The following TMEM74 variants were observed in gnomAD, a reference collection of about 807,000 sequenced individuals.
TMEM74 encodes transmembrane protein 74.
In TMEM74, 13 loss-of-function variants were observed where a neutral mutation model predicts 18.1. The observed-to-expected ratio is 0.72, with a 90% CI of 0.47 to 1.14. TMEM74 has a LOEUF of 1.14. TMEM74 is among the 50% of genes most tolerant of loss of function. The pLI, the probability that TMEM74 is intolerant of heterozygous loss-of-function variation, is 0.00. For synonymous variants in TMEM74, 159 were observed against 146.6 expected (o/e 1.08, Z -0.61); for missense variants, 372 against 375.9 (o/e 0.99, Z 0.09).
intron 1 of TMEM74, among the ~76,000 whole-genome samples, chr8:108,734,273 G>A (rs370891979): frequency 1.1e-3 from 171 of 152,288 alleles, no homozygotes; most frequent in African/African-American, 4.0e-3. Context: ...AGTGGTCCCC[G>A]TGGGTTCTCA....
chr8:108,670,067 T>C (rs1247474331), intron 1 of TMEM74, among the ~76,000 whole-genome samples: 1 of 147,584 alleles, frequency 6.8e-6, no homozygotes, highest in Non-Finnish European at 1.5e-5. Flanking sequence ...AGGCAATGAA[T>C]GGCTTAATTC....
intron 1 of TMEM74, among the ~76,000 whole-genome samples, chr8:108,752,824 A>G (rs1266029687): frequency 1.3e-5 from 2 of 152,094 alleles, no homozygotes; most frequent in African/African-American, 4.8e-5. Flanking sequence ...AAATTTGCTT[A>G]ATTTCTTATC....
At chr8:108,749,754 C>G (rs1813886410) in intron 1 of TMEM74, among the ~76,000 whole-genome samples, 1 of 152,124 alleles carries the variant, frequency 6.6e-6, no homozygotes, top group African/African-American at 2.4e-5. Context: ...GAGAAGCACA[C>G]TTCTCAATGT....
At chr8:108,715,978 G>C (rs561889450) in intron 1 of TMEM74, among the ~76,000 whole-genome samples, 32 of 151,876 alleles carry the variant, frequency 2.1e-4, no homozygotes, top group Non-Finnish European at 4.0e-4. Context: ...TCATAAGAAA[G>C]ATAATAAATC....
intron 1 of TMEM74, among the ~76,000 whole-genome samples, chr8:108,699,943 C>T (rs1031086015): frequency 3.9e-5 from 6 of 152,168 alleles, no homozygotes; most frequent in Non-Finnish European, 8.8e-5. Flanking sequence ...ATAAGCATAA[C>T]ATAGAGACTT....
chr8:108,720,750 AT>A (rs869060246), intron 1 of TMEM74, among the ~76,000 whole-genome samples: 15 of 149,354 alleles, frequency 1.0e-4, no homozygotes, highest in African/African-American at 3.2e-4. Context: ...TTATTTATTT[AT>A]TTATTAGTTT....
chr8:108,740,176 G>T (rs1813786503), intron 1 of TMEM74, among the ~76,000 whole-genome samples: 1 of 152,162 alleles, frequency 6.6e-6, no homozygotes, highest in African/African-American at 2.4e-5. Context: ...CATTATGTCA[G>T]ACATGCAAGC....
intron 1 of TMEM74, among the ~76,000 whole-genome samples, chr8:108,725,154 T>C (rs1009378096): frequency 1.3e-5 from 2 of 152,182 alleles, no homozygotes; most frequent in Non-Finnish European, 2.9e-5. Flanking sequence ...ACCTTGCCAT[T>C]TGGATCGCTC....
intron 1 of TMEM74, among the ~76,000 whole-genome samples, chr8:108,750,710 C>T (rs967007861): frequency 3.3e-5 from 5 of 152,076 alleles, no homozygotes; most frequent in South Asian, 2.1e-4. Flanking sequence ...AATGGGCATG[C>T]GTACAACTGC....
intron 2 of TMEM74, chr8:108,652,638 C>A (rs1487825069): frequency 1.6e-5 from 10 of 625,526 alleles, no homozygotes; most frequent in Non-Finnish European, 3.0e-5. Flanking sequence ...CAAAAGAAAG[C>A]AAGAAAAAGA....
rs570159194 is a variant in TMEM74, at chr8:108,761,141, T to C, written n.119+26335A>G. On this transcript the variant is annotated intron_variant and non_coding_transcript_variant, in intron 1 of 3. Coordinates refer to the TMEM74 transcript ENST00000518838. ...ATCAATCCACTAAACATCACCAGTA[T>C]AACTGAAACTAAATATTAGACTCTG... 1.6e-4 allele frequency among the ~76,000 whole-genome samples: 25 copies of C among 152,228 alleles called. No homozygotes were observed. In the East Asian group the frequency reaches 1.9e-3, roughly 12 times the overall value.
At chr8:108,685,012 ATTACT>A (rs1041887962) in intron 1 of TMEM74, among the ~76,000 whole-genome samples, 25 of 152,222 alleles carry the variant, frequency 1.6e-4, no homozygotes, top group South Asian at 4.1e-4. Context: ...GAATCTGCAG[ATTACT>A]TTAGGTAGTA....
chr8:108,660,740 C>A (rs768516643), intron 1 of TMEM74, among the ~76,000 whole-genome samples: 2 of 152,104 alleles, frequency 1.3e-5, no homozygotes, highest in Non-Finnish European at 2.9e-5. Context: ...TGTTATACTT[C>A]ATTGTGAAAC....
chr8:108,627,358 A>T (rs1038027327), intron 2 of TMEM74, among the ~76,000 whole-genome samples: 2 of 152,016 alleles, frequency 1.3e-5, no homozygotes, highest in Admixed American at 6.6e-5. Flanking sequence ...TATGACATAG[A>T]AACATGGGAT....
intron 1 of TMEM74, among the ~76,000 whole-genome samples, chr8:108,708,230 T>C (rs1813436253): frequency 6.6e-6 from 1 of 150,898 alleles, no homozygotes; most frequent in South Asian, 2.1e-4. Flanking sequence ...GGCTGAATAG[T>C]ATTCCATGGT....
Position 108,703,796 on chromosome 8 carries a change from G to C in TMEM74, n.120-48359C>G, listed in dbSNP as rs565497208. ...CTCAGAGCTATTTGCCTGGCTCCTT[G>C]CTAAATGCCCTTACGGCAGGGTAGA... is the stretch of plus-strand genomic sequence containing the variant. On this transcript the variant is annotated intron_variant and non_coding_transcript_variant, in intron 1 of 3. Transcript: ENST00000518838. Among the ~76,000 whole-genome samples the C allele has an allele frequency of 2.0e-5, 3 of 152,296 alleles. No individual in the cohort carries two copies. The South Asian group carries it at 6.2e-4, about 32-fold the overall frequency.
At chr8:108,662,450 T>A (rs1488172543) in intron 1 of TMEM74, among the ~76,000 whole-genome samples, 2 of 151,374 alleles carry the variant, frequency 1.3e-5, no homozygotes, top group Non-Finnish European at 2.9e-5. Flanking sequence ...GGAAAGGGAG[T>A]TGCTCTTATT....
intron 1 of TMEM74, among the ~76,000 whole-genome samples, chr8:108,756,798 G>GAGGA (rs60134137): frequency 0.015 from 1,886 of 123,082 alleles, 46 homozygotes; most frequent in East Asian, 0.054. Flanking sequence ...GAGGGAAGGG[G>GAGGA]AGGAAGGAAG....
intron 2 of TMEM74, among the ~76,000 whole-genome samples, chr8:108,615,829 T>TTTTTTTTTG (rs1441849302): frequency 6.9e-6 from 1 of 144,778 alleles, no homozygotes; most frequent in African/African-American, 2.6e-5. Flanking sequence ...CTTTTTTTTT[T>TTTTTTTTTG]TTTTTTTTTT....
Sources: allele counts gnomAD v4.1 joint callset (sites outside exome capture counted in the v4.1 genomes callset), GRCh38; gene constraint gnomAD v4.1.1; transcripts MANE v1.5; gene names NCBI Gene and HGNC (gene_info 2026-07-23, HGNC 2026-07-21).